The following TRRAP variants were observed in gnomAD, a reference collection of about 807,000 sequenced individuals.
The protein encoded by TRRAP is transformation/transcription domain associated protein, also known as transformation/transcription domain-associated protein.
Under a neutral mutation model 438.8 loss-of-function variants are expected in TRRAP, and 41 were observed. The observed-to-expected ratio is 0.09, with a 90% confidence interval of 0.07 to 0.12. TRRAP has a LOEUF of 0.12. Among genes scored for constraint, TRRAP ranks in the 10% least tolerant of loss-of-function variants. The pLI, the probability that TRRAP is intolerant of heterozygous loss-of-function variation, is 1.00. For synonymous variants in TRRAP, 1,994 were observed against 1,962.9 expected, an observed-to-expected ratio of 1.02 and a Z score of -0.42; for missense variants, 3,122 against 5,055.1, an observed-to-expected ratio of 0.62 and a Z score of 11.60.
intron 18 of TRRAP, 74 bp from the exon 19 acceptor site, chr7:98,915,649 G>A: frequency 6.6e-7 from 1 of 1,512,026 alleles, no homozygotes; most frequent in Non-Finnish European, 8.9e-7. Context: ...GGATTACAGT[G>A]ACACTTTAGA....
chr7:98,951,091 GTGT>G lies in TRRAP; in HGVS notation c.5463+89_5463+91del. The G allele has an allele frequency of 6.1e-6, 8 of 1,304,396 alleles. No homozygotes were observed. In the African/African-American group the frequency reaches 7.7e-5, roughly 13 times the overall value. The allele number at this position is 1,304,396 out of a possible 1,614,324, so 80.8% of individuals were successfully genotyped here. ...TGTGTGTGTGTGTGTGTGTGTGTGT[GTGT>G]TAAGGGGGTTCATTGAAATAAGTTT... On this transcript the variant is annotated intron_variant, in intron 39 of 72. Coordinates refer to ENST00000456197, the MANE Select transcript of TRRAP (RefSeq NM_001375524.1).
In TRRAP at chr7:98,910,137, G is replaced by A. The variant is rs1554408389; in HGVS notation, c.1432G>A (p.Gly478Arg). Residue 478 changes from glycine to arginine, a missense_variant, in exon 15 of 73, where the codon GGA becomes AGA. Gly to Arg is a moderately radical substitution (Grantham distance 125). Coordinates refer to ENST00000456197, the MANE Select transcript of TRRAP (RefSeq NM_001375524.1). ...GAAGTGTAAGCCTCAGTCAGAACTTGGAGCCGTGGAAGCAGCTCTGCCTGG... is the reference window on the plus strand; with the variant it reads ...GAAGTGTAAGCCTCAGTCAGAACTTAGAGCCGTGGAAGCAGCTCTGCCTGG... ...FKKCKPQSELGAVEAALPGVP... is the reference protein window; with the variant it reads ...FKKCKPQSELRAVEAALPGVP... The A allele has an allele frequency of 1.2e-6, 2 of 1,611,818 alleles. No homozygotes were observed. The highest frequency in any genetic ancestry group is 1.7e-6 in the Non-Finnish European group (2 of 1,178,880).
In TRRAP at chr7:98,956,888, G is replaced by T. The variant is rs1334570129; in HGVS notation, c.6231+355G>T. On this transcript the variant is annotated intron_variant, in intron 43 of 72. Coordinates refer to ENST00000456197, the MANE Select transcript of TRRAP (RefSeq NM_001375524.1). This position sits in a 1 kb window ranked among gnomAD's most constrained non-coding sequence, Gnocchi z 4.5. ...GACATGTGTTCTGTTTCACGAGGCA[G>T]CCACCAAGAGGGTCCTGGGTATTGC... is the stretch of plus-strand genomic sequence containing the variant. 1.3e-5 allele frequency among the ~76,000 whole-genome samples: 2 copies of T among 152,156 alleles called. No individual in the cohort carries two copies. Among genetic ancestry groups the T allele is most frequent in the East Asian group, 3.8e-4 (2 of 5,198 alleles).
intron 26 of TRRAP, among the ~76,000 whole-genome samples, chr7:98,931,962 G>T (rs1188182820): frequency 6.7e-6 from 1 of 148,818 alleles, no homozygotes; most frequent in African/African-American, 2.5e-5. Context: ...TCACTCTGTT[G>T]CCCAGGCTGG....
intron 46 of TRRAP, among the ~76,000 whole-genome samples, chr7:98,961,837 T>G (rs751093001): frequency 1.3e-5 from 2 of 152,150 alleles, no homozygotes; most frequent in African/African-American, 2.4e-5. Flanking sequence ...GAGAATCGCT[T>G]GAACCCAGGA....
At chr7:98,884,555 A>G (rs1375074120) in intron 3 of TRRAP, among the ~76,000 whole-genome samples, 1 of 152,172 alleles carries the variant, frequency 6.6e-6, no homozygotes, top group East Asian at 1.9e-4. Flanking sequence ...GTCTTAAAGC[A>G]GGTACATTGT....
chr7:98,938,048 T>C (rs1584334667), intron 30 of TRRAP, among the ~76,000 whole-genome samples: 1 of 152,030 alleles, frequency 6.6e-6, no homozygotes. Context: ...GCAGCGTGCA[T>C]CTGTAATCCC....
Position 98,945,785 on chromosome 7 carries a change from A to G in TRRAP, c.4512A>G (p.Pro1504=), listed in dbSNP as rs956110450. Residue 1504 remains proline, a synonymous_variant, in exon 32 of 73, where the codon CCA becomes CCG. Transcript: ENST00000456197. ...AGTGCGGGAGATGTCCCTTGTCTCC[A>G]TTCTGTCAGTTTGAGGTGAGAACAA... The part of the protein sequence containing the change: ...ISECGRCPLS[P]FCQFEPAMEG... 3 of 1,598,352 alleles carry G rather than the reference A, an allele frequency of 1.9e-6. No individual in the cohort carries two copies. The highest frequency in any genetic ancestry group is 2.5e-6 in the Non-Finnish European group (3 of 1,179,746).
Position 98,978,901 on chromosome 7 carries a change from G to A in TRRAP, c.8631G>A (p.Val2877=). Residue 2877 remains valine, a synonymous_variant, in exon 58 of 73, where the codon GTG becomes GTA. Coordinates refer to ENST00000456197, the MANE Select transcript of TRRAP (RefSeq NM_001375524.1). Reference sequence around the variant, plus strand: ...GGACTGCCATGAAGGAGGCGCTGGTGCAGGTGAGACGCCCCGGGGGCATCC... The same window carrying A: ...GGACTGCCATGAAGGAGGCGCTGGTACAGGTGAGACGCCCCGGGGGCATCC... The part of the protein sequence containing the change: ...SNWTAMKEAL[V]QVEVSCPKEM... The A allele has an allele frequency of 6.2e-7, 1 of 1,613,930 alleles. No individual in the cohort carries two copies.
chr7:98,929,270 A>G (rs779529757), intron 23 of TRRAP, among the ~76,000 whole-genome samples: 183 of 152,174 alleles, frequency 1.2e-3, no homozygotes, highest in East Asian at 1.2e-3. Context: ...AAAAATTTTT[A>G]TGGAGATGCA....
chr7:98,964,383 C>A (rs1288502790), intron 47 of TRRAP, among the ~76,000 whole-genome samples: 1 of 152,040 alleles, frequency 6.6e-6, no homozygotes, highest in African/African-American at 2.4e-5. Flanking sequence ...AAGGTAAGAA[C>A]GTTGTTTCTA....
rs1554418717 is a variant in TRRAP, at chr7:98,953,368, A to G, written c.5665A>G (p.Ser1889Gly). 6.2e-7 allele frequency: 1 copy of G among 1,613,856 alleles called. No individual in the cohort carries two copies. Among genetic ancestry groups the G allele is most frequent in the South Asian group, 1.1e-5 (1 of 91,080 alleles). ...CTGCGTGGACCCAGCCTGCAAGTAC[A>G]GCGGACACTTGCTCCTGGCGCACAT... is the stretch of plus-strand genomic sequence containing the variant. ...KACVDPACKY[S>G]GHLLLAHIIA... Residue 1889 changes from serine (S) to glycine (G), a missense_variant, in exon 40 of 73, where the codon AGC becomes GGC. Around this residue, in one of 24 missense-constraint regions of TRRAP, gnomAD observed 22 missense variants for 28.8 expected, o/e 0.76. Coordinates refer to ENST00000456197, the MANE Select transcript of TRRAP (RefSeq NM_001375524.1).
At chr7:98,940,257 C>T (rs904114513) in intron 30 of TRRAP, among the ~76,000 whole-genome samples, 3 of 151,966 alleles carry the variant, frequency 2.0e-5, no homozygotes, top group Non-Finnish European at 2.9e-5. Context: ...GGCGCGATCT[C>T]GGCTCACTGG....
At chr7:98,991,650 A>G (rs986488144) in intron 64 of TRRAP, among the ~76,000 whole-genome samples, 10 of 152,242 alleles carry the variant, frequency 6.6e-5, no homozygotes, top group Admixed American at 4.6e-4. Context: ...CTCCAGTTCA[A>G]TCAAATGGGA....
chr7:98,985,090 T>A (rs1793094068), intron 62 of TRRAP, 46 bp downstream of exon 62: 8 of 1,302,840 alleles, frequency 6.1e-6, no homozygotes, highest in Non-Finnish European at 8.7e-6. Flanking sequence ...TGCATCAGAT[T>A]ATTTAAAGTT....
At chr7:98,999,275 C>T in intron 67 of TRRAP, 1 of 1,183,604 alleles carries the variant, frequency 8.4e-7, no homozygotes, top group Non-Finnish European at 1.3e-6. Flanking sequence ...AGATGTCGTA[C>T]AGGAACAGTC....
intron 47 of TRRAP, among the ~76,000 whole-genome samples, chr7:98,963,899 G>A (rs560782378): frequency 5.5e-4 from 84 of 152,034 alleles, no homozygotes; most frequent in African/African-American, 2.0e-3. Context: ...TGGCCAACAT[G>A]GTGAAACCCC....
At chr7:98,975,585 G>GT (rs1444783135) in intron 53 of TRRAP, among the ~76,000 whole-genome samples, 1 of 152,206 alleles carries the variant, frequency 6.6e-6, no homozygotes, top group Non-Finnish European at 1.5e-5. Flanking sequence ...TCGGGCTCTA[G>GT]TTGTCCAGGC....
At chr7:98,917,725 G>T (rs782355679) in intron 20 of TRRAP, 46 bp downstream of exon 20, 65 of 1,594,998 alleles carry the variant, frequency 4.1e-5, no homozygotes, top group Non-Finnish European at 5.4e-5. Context: ...CCTGGAAGCA[G>T]TGGGCCGTCA....
Sources: allele counts gnomAD v4.1 joint callset (sites outside exome capture counted in the v4.1 genomes callset), GRCh38; gene constraint gnomAD v4.1.1; regional missense constraint gnomAD v4.1.1; non-coding constraint Gnocchi (gnomAD v3.1); transcripts MANE v1.5; gene names NCBI Gene and HGNC (gene_info 2026-07-23, HGNC 2026-07-21).